UBE2W: variants seen among roughly 807,000 people sequenced by gnomAD.
The protein encoded by UBE2W is ubiquitin-conjugating enzyme E2 W.
In UBE2W, 18 loss-of-function variants were observed where a neutral mutation model predicts 27.2. The ratio of observed to expected loss-of-function variants is 0.66; its 90% CI spans 0.46 to 0.98. The LOEUF (loss-of-function observed/expected upper bound fraction) is 0.98, where lower values mean the gene tolerates loss of function less well. Among genes scored for constraint, UBE2W ranks in the 50% least tolerant of loss-of-function variants. The pLI, the probability that UBE2W is intolerant of heterozygous loss-of-function variation, is 0.00. For synonymous variants in UBE2W, 53 were observed against 57.2 expected, an observed-to-expected ratio of 0.93 and a Z score of 0.33; for missense variants, 90 against 180.2, an observed-to-expected ratio of 0.50 and a Z score of 2.87.
chr8:73,790,997 T>C lies in UBE2W; in HGVS notation c.*3105A>G, dbSNP rs573061671. 1 of 982,208 alleles carries C rather than the reference T, an allele frequency of 1.0e-6. No homozygotes were observed. The highest frequency in any genetic ancestry group is 6.1e-5 in the Admixed American group (1 of 16,280). The allele number at this position is 982,208 out of a possible 1,614,324, so 60.8% of individuals were successfully genotyped here. A position where few individuals can be genotyped will look rare whatever the true frequency, so the allele number is the denominator to read the frequency against. On this transcript the variant is annotated 3_prime_UTR_variant, in exon 6 of 6. Transcript: ENST00000602593. ...CTAGTTATTTTATACCAAATATTGA[T>C]ATTCCTAGTCAAAACAACAAGGAAT...
rs762022623 is a variant in UBE2W, at chr8:73,789,813, G to A, written c.*4289C>T. ...AGATCGTGCACTGCACTAAAGCCCG[G>A]GTGACAGAGCAAGACTCCGTCTCAA... is the stretch of plus-strand genomic sequence containing the variant. On this transcript the variant is annotated 3_prime_UTR_variant, in exon 6 of 6. Transcript: ENST00000602593. 7 of 756,652 alleles carry A rather than the reference G, an allele frequency of 9.3e-6. No individual in the cohort carries two copies. Among genetic ancestry groups the A allele is most frequent in the Non-Finnish European group, 1.1e-5 (7 of 621,862 alleles). 46.9% of individuals were successfully genotyped at this position (756,652 alleles called of 1,614,324 possible).
At position 73,797,481 on chromosome 8, in the gene UBE2W, A is replaced by AT. The variant is rs1403265264; in HGVS notation, c.443-3367_443-3366insA. Reference sequence around the variant, plus strand: ...TTAATCAGCAGGAAACAGAAGGCACAAACAAACTGAGTAAAAGTTTGGACT... The same window carrying AT: ...TTAATCAGCAGGAAACAGAAGGCACATAACAAACTGAGTAAAAGTTTGGACT... On this transcript the variant is annotated intron_variant, in intron 5 of 5. Coordinates refer to ENST00000602593, the MANE Select transcript of UBE2W (RefSeq NM_018299.6). Among the ~76,000 whole-genome samples, 6 of 152,374 alleles carry AT rather than the reference A, an allele frequency of 3.9e-5. 1 individual carries two copies. The South Asian group carries it at 8.3e-4, about 21-fold the overall frequency.
intron 5 of UBE2W, among the ~76,000 whole-genome samples, chr8:73,801,091 A>AAAAAAG (rs1409142664): frequency 2.6e-5 from 4 of 152,336 alleles, no homozygotes; most frequent in East Asian, 1.9e-4. Flanking sequence ...ACTCCGTCAA[A>AAAAAAG]AAAAAGAAAA....
Position 73,810,552 on chromosome 8 carries a change from T to C in UBE2W, c.288A>G (p.Thr96=). The C allele has an allele frequency of 1.2e-6, 2 of 1,613,110 alleles. No homozygotes were observed. Among genetic ancestry groups the C allele is most frequent in the Non-Finnish European group, 1.7e-6 (2 of 1,179,546 alleles). Reference sequence around the variant, plus strand: ...CTGAGAGCGCTGGGGACCAGTCTTCTGTTAGAATGGATAAACAGATATGAC... The same window carrying C: ...CTGAGAGCGCTGGGGACCAGTCTTCCGTTAGAATGGATAAACAGATATGAC... The part of the protein sequence containing the change: ...SNGHICLSIL[T]EDWSPALSVQ... Residue 96 remains threonine, a synonymous_variant, in exon 4 of 6, where the codon ACA becomes ACG. Coordinates refer to ENST00000602593, the MANE Select transcript of UBE2W (RefSeq NM_018299.6).
At chr8:73,874,742 T>C (rs1018300564) in intron 1 of UBE2W, among the ~76,000 whole-genome samples, 1 of 152,232 alleles carries the variant, frequency 6.6e-6, no homozygotes, top group Non-Finnish European at 1.5e-5. Context: ...ATTTTAGGTA[T>C]CACCACAAAT....
intron 3 of UBE2W, among the ~76,000 whole-genome samples, chr8:73,817,519 T>C (rs988892266): frequency 5.3e-5 from 8 of 151,678 alleles, no homozygotes; most frequent in Admixed American, 1.3e-4. Context: ...ACTTCAGAGG[T>C]TTTTTTTGTT....
chr8:73,870,153 A>T, intron 1 of UBE2W: 1 of 1,093,014 alleles, frequency 9.1e-7, no homozygotes, highest in Non-Finnish European at 1.4e-6. Context: ...ATTATATTTC[A>T]ATTAGAAGAA....
chr8:73,878,832 A>C lies in UBE2W; in HGVS notation c.-10T>G. ...CCTGCATTGACGCCATGATGGAACC[A>C]TCCCCCCAAGACCGGCGAGGCCAGA... On this transcript the variant is annotated 5_prime_UTR_variant, in exon 1 of 6. It removes an upstream start codon present in the reference 5' UTR. Coordinates refer to ENST00000602593, the MANE Select transcript of UBE2W (RefSeq NM_018299.6). 2 of 1,550,198 alleles carry C rather than the reference A, an allele frequency of 1.3e-6. No individual in the cohort carries two copies. The highest frequency in any genetic ancestry group is 1.7e-6 in the Non-Finnish European group (2 of 1,146,270).
At chr8:73,814,659 C>T (rs1384712626) in intron 3 of UBE2W, among the ~76,000 whole-genome samples, 2 of 152,128 alleles carry the variant, frequency 1.3e-5, no homozygotes, top group African/African-American at 4.8e-5. Context: ...GCTGGGATTA[C>T]AGGCGCACAC....
chr8:73,783,210 C>T (rs1035664745), downstream of UBE2W, among the ~76,000 whole-genome samples: 2 of 152,078 alleles, frequency 1.3e-5, no homozygotes, highest in Admixed American at 1.3e-4. Flanking sequence ...CATAGTTTGT[C>T]TTTTGAAGAA....
At chr8:73,799,656 C>G (rs1331978213) in intron 5 of UBE2W, among the ~76,000 whole-genome samples, 1 of 152,138 alleles carries the variant, frequency 6.6e-6, no homozygotes, top group Non-Finnish European at 1.5e-5. Flanking sequence ...TCACCTTGAC[C>G]CAAGTATGTC....
chr8:73,798,228 T>C (rs780209499), intron 5 of UBE2W, among the ~76,000 whole-genome samples: 3 of 152,098 alleles, frequency 2.0e-5, no homozygotes, highest in African/African-American at 7.2e-5. Flanking sequence ...GCCCGGGAAG[T>C]TGAGGCTGCA....
chr8:73,876,326 G>A (rs1812220401), intron 1 of UBE2W, among the ~76,000 whole-genome samples: 2 of 151,938 alleles, frequency 1.3e-5, no homozygotes, highest in Admixed American at 6.6e-5. Flanking sequence ...AAGATAGTCA[G>A]GATATAAATT....
chr8:73,786,014 T>C (rs867251064), downstream of UBE2W, among the ~76,000 whole-genome samples: 1 of 152,254 alleles, frequency 6.6e-6, no homozygotes, highest in Admixed American at 6.5e-5. Flanking sequence ...TTTGAAGATA[T>C]ATACCTCATC....
intron 1 of UBE2W, among the ~76,000 whole-genome samples, chr8:73,844,798 G>A (rs1282613719): frequency 2.1e-5 from 3 of 145,316 alleles, no homozygotes; most frequent in Admixed American, 6.8e-5. Flanking sequence ...GCCTGGCCGC[G>A]ACCCCGTCTG....
At chr8:73,856,473 T>G in intron 1 of UBE2W, among the ~76,000 whole-genome samples, 1 of 149,888 alleles carries the variant, frequency 6.7e-6, no homozygotes. Flanking sequence ...CAAGCAATTC[T>G]CCTGCCTCAG....
intron 5 of UBE2W, among the ~76,000 whole-genome samples, chr8:73,794,651 C>A (rs1808337055): frequency 1.3e-5 from 2 of 151,848 alleles, no homozygotes; most frequent in Admixed American, 1.3e-4. Flanking sequence ...CCTGTAATCC[C>A]AGCACTTTGG....
chr8:73,872,659 A>G (rs1322172053), intron 1 of UBE2W, among the ~76,000 whole-genome samples: 1 of 152,242 alleles, frequency 6.6e-6, no homozygotes, highest in Non-Finnish European at 1.5e-5. Context: ...TAATGAACAC[A>G]GTTTGGCATC....
At chr8:73,838,631 T>C (rs1810407144) in intron 1 of UBE2W, among the ~76,000 whole-genome samples, 1 of 152,160 alleles carries the variant, frequency 6.6e-6, no homozygotes, top group Admixed American at 6.5e-5. Context: ...TCTGCTTGAA[T>C]GCATGTGAAG....
Sources: gnomAD v4.1 joint callset for allele counts (sites outside exome capture counted in the v4.1 genomes callset) on GRCh38, gnomAD v4.1.1 for gene constraint, MANE v1.5 for transcripts, NCBI Gene and HGNC (gene_info 2026-07-23, HGNC 2026-07-21) for gene names.